Variants in PPARGC1A observed in about 807,000 individuals in gnomAD.
PPARGC1A encodes peroxisome proliferator-activated receptor gamma coactivator 1-alpha.
PPARGC1A carries 25 observed loss-of-function variants against 88.7 expected under a neutral mutation model. The observed-to-expected ratio is 0.28, with a 90% CI of 0.21 to 0.39. PPARGC1A has a LOEUF of 0.39. PPARGC1A is among the 10% of genes least tolerant of loss of function. PPARGC1A has a pLI of 1.00. For missense variants in PPARGC1A, 880 were observed against 968.7 expected, an observed-to-expected ratio of 0.91 and a Z score of 1.22; for synonymous variants, 363 against 355.6, an observed-to-expected ratio of 1.02 and a Z score of -0.24.
intron 2 of PPARGC1A, among the ~76,000 whole-genome samples, chr4:23,849,239 T>G (rs1728849233): frequency 6.6e-6 from 1 of 152,190 alleles, no homozygotes; most frequent in African/African-American, 2.4e-5. Context: ...AGATAAAAAT[T>G]TCCTACTATT....
the PPARGC1A span, among the ~76,000 whole-genome samples, chr4:24,260,037 T>C: frequency 6.6e-6 from 1 of 151,548 alleles, no homozygotes; most frequent in Non-Finnish European, 1.5e-5. Context: ...TTCTCAAGAG[T>C]AAAATAAAGC....
the PPARGC1A span, among the ~76,000 whole-genome samples, chr4:24,033,782 C>T: frequency 2.0e-5 from 3 of 152,188 alleles, no homozygotes; most frequent in Admixed American, 2.0e-4. Context: ...GTGAAACTGA[C>T]TAGGCAAAGT....
chr4:24,171,265 G>A, the PPARGC1A span, among the ~76,000 whole-genome samples: 2 of 152,044 alleles, frequency 1.3e-5, no homozygotes, highest in African/African-American at 4.8e-5. Context: ...AAGTAGCTGG[G>A]CATGGTGGTG....
At chr4:24,274,822 A>G in the PPARGC1A span, among the ~76,000 whole-genome samples, 1 of 152,066 alleles carries the variant, frequency 6.6e-6, no homozygotes, top group Non-Finnish European at 1.5e-5. Context: ...TTTTTTTTAA[A>G]TTAAATGTGC....
the PPARGC1A span, among the ~76,000 whole-genome samples, chr4:24,121,687 T>C: frequency 6.6e-6 from 1 of 152,166 alleles, no homozygotes; most frequent in Admixed American, 6.5e-5. Context: ...TAGCATCTCC[T>C]CTCTGCAGCC....
the PPARGC1A span, among the ~76,000 whole-genome samples, chr4:24,394,136 A>G: frequency 1.3e-5 from 2 of 152,202 alleles, no homozygotes; most frequent in Non-Finnish European, 2.9e-5. Flanking sequence ...GAGAATGTCA[A>G]TATGTTAATG....
chr4:24,165,590 G>A, the PPARGC1A span, among the ~76,000 whole-genome samples: 4 of 152,174 alleles, frequency 2.6e-5, no homozygotes, highest in Non-Finnish European at 5.9e-5. Context: ...AATAGCACGT[G>A]CTTATTTCAT....
chr4:24,304,040 T>G, the PPARGC1A span, among the ~76,000 whole-genome samples: 4 of 152,170 alleles, frequency 2.6e-5, no homozygotes, highest in African/African-American at 4.8e-5. Flanking sequence ...TCCCTTGAAA[T>G]GTAAGGAGAA....
the PPARGC1A span, among the ~76,000 whole-genome samples, chr4:23,988,458 T>G: frequency 6.6e-6 from 1 of 152,074 alleles, no homozygotes; most frequent in Non-Finnish European, 1.5e-5. Context: ...TTTCCTGACT[T>G]TTTAATACAG....
the PPARGC1A span, among the ~76,000 whole-genome samples, chr4:24,214,401 G>A: frequency 6.6e-6 from 1 of 152,150 alleles, no homozygotes; most frequent in Non-Finnish European, 1.5e-5. Flanking sequence ...CACATGCCTC[G>A]AAAACTGTGC....
the PPARGC1A span, among the ~76,000 whole-genome samples, chr4:24,250,138 A>G: frequency 1.3e-5 from 2 of 152,312 alleles, no homozygotes; most frequent in South Asian, 4.1e-4. Flanking sequence ...CAGGTGTAAC[A>G]TGGGCAGAAC....
chr4:24,000,519 T>TG, the PPARGC1A span, among the ~76,000 whole-genome samples: 1 of 151,590 alleles, frequency 6.6e-6, no homozygotes, highest in African/African-American at 2.4e-5. Context: ...GGTGCTTTTT[T>TG]TTAATGAAGC....
chr4:23,834,049 C>T (rs1329269508), intron 2 of PPARGC1A, among the ~76,000 whole-genome samples: 1 of 152,058 alleles, frequency 6.6e-6, no homozygotes, highest in African/African-American at 2.4e-5. Context: ...CCTATAATCC[C>T]AGCACTTTGG....
chr4:24,260,622 G>A, the PPARGC1A span, among the ~76,000 whole-genome samples: 10 of 152,124 alleles, frequency 6.6e-5, no homozygotes, highest in Non-Finnish European at 1.0e-4. Context: ...TAATTCTGGA[G>A]GGCAGAGTCG....
chr4:23,857,069 A>C (rs1439424277), intron 2 of PPARGC1A, among the ~76,000 whole-genome samples: 2 of 152,108 alleles, frequency 1.3e-5, no homozygotes, highest in African/African-American at 4.8e-5. Flanking sequence ...GGAAAGGCTA[A>C]TGTTTCCTGG....
chr4:24,140,383 C>T, the PPARGC1A span, among the ~76,000 whole-genome samples: 1 of 152,208 alleles, frequency 6.6e-6, no homozygotes, highest in East Asian at 1.9e-4. Context: ...TGCTTTAAGA[C>T]AGGAACAAGG....
At chr4:24,430,554 T>C in the PPARGC1A span, among the ~76,000 whole-genome samples, 17 of 152,230 alleles carry the variant, frequency 1.1e-4, no homozygotes, top group Non-Finnish European at 2.4e-4. Context: ...CCTATTTTTT[T>C]ATTTTTGTTG....
chr4:23,797,495 C>A lies in PPARGC1A; in HGVS notation c.2294-1570G>T, dbSNP rs868058789. ...TCAGCCTGGAACCATCAGGGACATA[C>A]ACACATACCTTTCCTTGAGGAACTC... On this transcript the variant is annotated intron_variant, in intron 12 of 12. Transcript: ENST00000264867. Among the ~76,000 whole-genome samples the A allele has an allele frequency of 2.8e-4, 43 of 152,278 alleles. No individual in the cohort carries two copies. In the Middle Eastern group the frequency reaches 0.014, roughly 48 times the overall value.
chr4:23,808,135 C>T (rs1033498686), intron 10 of PPARGC1A, among the ~76,000 whole-genome samples: 1 of 151,390 alleles, frequency 6.6e-6, no homozygotes. Context: ...CCTGTAGTCC[C>T]AGCTACTCGG....
Sources: allele counts gnomAD v4.1 joint callset (sites outside exome capture counted in the v4.1 genomes callset), GRCh38; gene constraint gnomAD v4.1.1; transcripts MANE v1.5; gene names NCBI Gene and HGNC (gene_info 2026-07-23, HGNC 2026-07-21).